The following C1orf198 variants were observed in gnomAD, a reference collection of about 807,000 sequenced individuals.
C1orf198 encodes the protein chromosome 1 open reading frame 198.
Under a neutral mutation model 31.4 loss-of-function variants are expected in C1orf198, and 17 were observed. The observed-to-expected ratio is 0.54, with a 90% CI of 0.37 to 0.81. The LOEUF (loss-of-function observed/expected upper bound fraction) is 0.81, where lower values mean the gene tolerates loss of function less well. Among genes scored for constraint, C1orf198 ranks in the 40% least tolerant of loss-of-function variants. The probability of loss-of-function intolerance (pLI) is 0.00; values close to 1 mark genes in which losing one functional copy is unlikely to be tolerated. For synonymous variants in C1orf198, 175 were observed against 193.8 expected, an observed-to-expected ratio of 0.90 and a Z score of 0.81; for missense variants, 401 against 450.3, an observed-to-expected ratio of 0.89 and a Z score of 0.99.
At chr1:230,867,281 T>A (rs1174612826) in intron 1 of C1orf198, among the ~76,000 whole-genome samples, 1 of 152,206 alleles carries the variant, frequency 6.6e-6, no homozygotes. Flanking sequence ...GTTAAACACA[T>A]TTCTAAGAAA....
intron 2 of C1orf198, among the ~76,000 whole-genome samples, chr1:230,852,370 A>AAAT (rs1485708299): frequency 6.6e-6 from 1 of 152,204 alleles, no homozygotes; most frequent in Non-Finnish European, 1.5e-5. Flanking sequence ...CAGAGACAGA[A>AAAT]AATAGATGGT....
At chr1:230,856,678 AC>A (rs1558141086) in intron 1 of C1orf198, among the ~76,000 whole-genome samples, 2 of 152,170 alleles carry the variant, frequency 1.3e-5, no homozygotes, top group East Asian at 3.9e-4. Flanking sequence ...ACAGGTGTGC[AC>A]CATGTCTGAC....
At chr1:230,853,909 G>A (rs1267644717) in intron 2 of C1orf198, among the ~76,000 whole-genome samples, 3 of 152,104 alleles carry the variant, frequency 2.0e-5, no homozygotes, top group African/African-American at 7.2e-5. Context: ...TCTTCGCCAG[G>A]CACCTGTTTC....
At position 230,843,323 on chromosome 1, in the gene C1orf198, A is replaced by G; in HGVS notation, c.927+31T>C. 1 of 1,549,198 alleles carries G rather than the reference A, an allele frequency of 6.5e-7. No homozygotes were observed. The highest frequency in any genetic ancestry group is 8.7e-7 in the Non-Finnish European group (1 of 1,145,682). ...TTCCCGTGGAATAAGGCACCATCCCATCTGAGGACGCGCTGGTAAAGGCCA... is the reference window on the plus strand; with the variant it reads ...TTCCCGTGGAATAAGGCACCATCCCGTCTGAGGACGCGCTGGTAAAGGCCA... On this transcript the variant is annotated intron_variant, in intron 3 of 3. Transcript: ENST00000366663. This position sits in a 1 kb window ranked among gnomAD's most constrained non-coding sequence, Gnocchi z 4.9.
intron 2 of C1orf198, among the ~76,000 whole-genome samples, chr1:230,847,085 A>G (rs1308124347): frequency 2.2e-5 from 3 of 134,164 alleles, no homozygotes; most frequent in African/African-American, 9.4e-5. Flanking sequence ...CCTGGGCGAC[A>G]GAGCGAGACT....
intron 2 of C1orf198, among the ~76,000 whole-genome samples, chr1:230,851,999 G>A (rs1159453751): frequency 2.0e-5 from 3 of 152,222 alleles, no homozygotes; most frequent in Non-Finnish European, 4.4e-5. Flanking sequence ...CCATGACCTT[G>A]GGTCAGGCTT....
rs1372729060 is a variant in C1orf198 at position 230,843,318 on chromosome 1, A to G, written c.927+36T>C. The G allele has an allele frequency of 6.5e-7, 1 of 1,547,872 alleles. No individual in the cohort carries two copies. Among genetic ancestry groups the G allele is most frequent in the South Asian group, 1.2e-5 (1 of 83,368 alleles). On this transcript the variant is annotated intron_variant, in intron 3 of 3. Transcript: ENST00000366663. This position sits in a 1 kb window ranked among gnomAD's most constrained non-coding sequence, Gnocchi z 4.9. ...CTCGGTTCCCGTGGAATAAGGCACC[A>G]TCCCATCTGAGGACGCGCTGGTAAA...
chr1:230,847,148 G>A (rs1341376292), intron 2 of C1orf198, among the ~76,000 whole-genome samples: 17 of 143,242 alleles, frequency 1.2e-4, no homozygotes, highest in Admixed American at 3.6e-4. Context: ...GCATGGCGAC[G>A]CATGCCTGTA....
intron 2 of C1orf198, among the ~76,000 whole-genome samples, chr1:230,849,987 G>A (rs1470633920): frequency 3.3e-5 from 5 of 152,116 alleles, no homozygotes; most frequent in African/African-American, 7.2e-5. Context: ...CATCCACCCC[G>A]TCAGCCTCTA....
At chr1:230,842,590 G>A (rs888530673) in intron 3 of C1orf198, among the ~76,000 whole-genome samples, 1 of 152,162 alleles carries the variant, frequency 6.6e-6, no homozygotes, top group Admixed American at 6.5e-5. Flanking sequence ...GGGACTCGGG[G>A]AAAGAGTGGG....
chr1:230,861,627 C>T (rs1038225453), intron 1 of C1orf198, among the ~76,000 whole-genome samples: 1 of 152,200 alleles, frequency 6.6e-6, no homozygotes. Flanking sequence ...GTTCGCCTCA[C>T]TCCCCCAGAG....
At chr1:230,851,293 CT>C (rs2102982328) in intron 2 of C1orf198, among the ~76,000 whole-genome samples, 1 of 152,220 alleles carries the variant, frequency 6.6e-6, no homozygotes, top group South Asian at 2.1e-4. Context: ...AGCCAGACAG[CT>C]TGGGGGAGGG....
In C1orf198 at chr1:230,855,038, C is replaced by T. The variant is rs1403226840; in HGVS notation, c.384+630G>A. ...AAATCTTGGTCTTTTATTTCTGTCCCTTGGGTTAAAGACACCTGTCTTTTA... is the reference window on the plus strand; with the variant it reads ...AAATCTTGGTCTTTTATTTCTGTCCTTTGGGTTAAAGACACCTGTCTTTTA... On this transcript the variant is annotated intron_variant, in intron 2 of 3. Transcript: ENST00000366663. Among the ~76,000 whole-genome samples, 8 of 152,230 alleles carry T rather than the reference C, an allele frequency of 5.3e-5. 1 individual carries two copies. In the East Asian group the frequency reaches 1.5e-3, roughly 29 times the overall value.
At chr1:230,845,610 G>C (rs1422565346) in intron 2 of C1orf198, among the ~76,000 whole-genome samples, 1 of 151,976 alleles carries the variant, frequency 6.6e-6, no homozygotes, top group Non-Finnish European at 1.5e-5. Context: ...TTGAACCCGG[G>C]AAGTGGAGGT....
intron 2 of C1orf198, among the ~76,000 whole-genome samples, chr1:230,852,468 G>T (rs1156943231): frequency 6.6e-6 from 1 of 152,118 alleles, no homozygotes; most frequent in African/African-American, 2.4e-5. Context: ...TGGAGGTGTG[G>T]ATTAGCTTGA....
chr1:230,853,232 T>C (rs1669788545), intron 2 of C1orf198, among the ~76,000 whole-genome samples: 1 of 152,150 alleles, frequency 6.6e-6, no homozygotes, highest in African/African-American at 2.4e-5. Context: ...ATTAAGTTTG[T>C]TATGCATCTA....
chr1:230,852,516 CTTG>C (rs1419481955), intron 2 of C1orf198, among the ~76,000 whole-genome samples: 1 of 152,084 alleles, frequency 6.6e-6, no homozygotes, highest in East Asian at 1.9e-4. Context: ...ATCAAAACAT[CTTG>C]TTGTACATCA....
In C1orf198 at chr1:230,838,189, C is replaced by T. The variant is rs767432930; in HGVS notation, c.*1663G>A. ...GGCTGTGCCAACTGGGATTTCTAAG[C>T]TCCTTTTTCCCTCACCACCATGCTG... On this transcript the variant is annotated 3_prime_UTR_variant, in exon 4 of 4. Coordinates refer to ENST00000366663, the MANE Select transcript of C1orf198 (RefSeq NM_032800.3). This position sits in a 1 kb window ranked among gnomAD's most constrained non-coding sequence, Gnocchi z 4.2. The T allele has an allele frequency of 6.6e-6, 1 of 152,266 alleles. No homozygotes were observed. The highest frequency in any genetic ancestry group is 1.5e-5 in the Non-Finnish European group (1 of 68,060). 9.4% of individuals were successfully genotyped at this position (152,266 alleles called of 1,614,324 possible). A position where few individuals can be genotyped will look rare whatever the true frequency, so the allele number is the denominator to read the frequency against.
At chr1:230,844,021 GC>G in intron 2 of C1orf198, 125 bp from the exon 3 acceptor site, 1 of 1,018,038 alleles carries the variant, frequency 9.8e-7, no homozygotes, top group Non-Finnish European at 1.4e-6. Context: ...ACGAGTTGTT[GC>G]CCATGTGCTG....
Sources: gnomAD v4.1 joint callset for allele counts (sites outside exome capture counted in the v4.1 genomes callset) on GRCh38, gnomAD v4.1.1 for gene constraint, Gnocchi (gnomAD v3.1) non-coding constraint, MANE v1.5 for transcripts, NCBI Gene and HGNC (gene_info 2026-07-23, HGNC 2026-07-21) for gene names.